The following TCERG1L variants were observed in gnomAD, a reference collection of about 807,000 sequenced individuals.
The protein encoded by TCERG1L is transcription elongation regulator 1 like.
In TCERG1L, 37 loss-of-function variants were observed where a neutral mutation model predicts 56.3. That is an observed-to-expected ratio of 0.66 (90% CI 0.51 to 0.87). TCERG1L has a LOEUF of 0.87. Ranked by LOEUF, TCERG1L falls within the 40% of genes least tolerant of loss-of-function variation. The pLI, the probability that TCERG1L is intolerant of heterozygous loss-of-function variation, is 0.00. For missense variants in TCERG1L, 799 were observed against 774.2 expected (o/e 1.03, Z -0.38); for synonymous variants, 324 against 326.3 (o/e 0.99, Z 0.08).
At chr10:131,108,394 CA>C (rs1250936331) in intron 9 of TCERG1L, among the ~76,000 whole-genome samples, 1 of 151,916 alleles carries the variant, frequency 6.6e-6, no homozygotes, top group African/African-American at 2.4e-5. Flanking sequence ...GACTGGTTCA[CA>C]AGGCACCCTC....
intron 4 of TCERG1L, among the ~76,000 whole-genome samples, chr10:131,254,320 T>TATATATATAG (rs999617923): frequency 8.7e-5 from 13 of 149,960 alleles, no homozygotes; most frequent in African/African-American, 2.4e-4. Flanking sequence ...TATATATATA[T>TATATATATAG]AGTAAGTATT....
chr10:131,157,040 CT>C (rs1248034472), intron 6 of TCERG1L, among the ~76,000 whole-genome samples: 1 of 152,228 alleles, frequency 6.6e-6, no homozygotes, highest in East Asian at 1.9e-4. Context: ...CAGCCCCTGG[CT>C]TCTGGGCTAG....
chr10:131,197,359 T>G (rs1845377174), intron 4 of TCERG1L, among the ~76,000 whole-genome samples: 1 of 152,094 alleles, frequency 6.6e-6, no homozygotes, highest in Non-Finnish European at 1.5e-5. Flanking sequence ...TTATTTTGTA[T>G]TTTTTCTAGT....
At chr10:131,300,011 T>C (rs1846743337) in intron 3 of TCERG1L, among the ~76,000 whole-genome samples, 1 of 152,188 alleles carries the variant, frequency 6.6e-6, no homozygotes, top group Admixed American at 6.5e-5. Flanking sequence ...GGTAACTTTC[T>C]CTATGCTAGT....
At chr10:131,254,293 C>T (rs1446305644) in intron 4 of TCERG1L, among the ~76,000 whole-genome samples, 1 of 111,962 alleles carries the variant, frequency 8.9e-6, no homozygotes, top group Non-Finnish European at 1.8e-5. Flanking sequence ...CAGGCAATCA[C>T]TGGATTTAAA....
intron 7 of TCERG1L, among the ~76,000 whole-genome samples, chr10:131,143,071 C>T (rs1049553728): frequency 3.9e-5 from 6 of 152,154 alleles, no homozygotes; most frequent in African/African-American, 1.4e-4. Context: ...ACAGCCCTGC[C>T]GATGCCAGTG....
At chr10:131,278,893 C>T (rs1166536231) in intron 3 of TCERG1L, among the ~76,000 whole-genome samples, 1 of 152,200 alleles carries the variant, frequency 6.6e-6, no homozygotes, top group Non-Finnish European at 1.5e-5. Flanking sequence ...TCCCTGATGA[C>T]TGCTGGACCC....
At chr10:131,266,332 G>A (rs1367305746) in intron 3 of TCERG1L, among the ~76,000 whole-genome samples, 1 of 152,146 alleles carries the variant, frequency 6.6e-6, no homozygotes, top group Non-Finnish European at 1.5e-5. Flanking sequence ...TCAAACTCCT[G>A]TTAATGTTGA....
At chr10:131,281,252 T>C (rs897935864) in intron 3 of TCERG1L, among the ~76,000 whole-genome samples, 8 of 152,194 alleles carry the variant, frequency 5.3e-5, no homozygotes, top group Non-Finnish European at 1.0e-4. Context: ...TGCATGTCTA[T>C]CACGGCGGCC....
At chr10:131,124,134 C>T (rs960228412) in intron 8 of TCERG1L, among the ~76,000 whole-genome samples, 15 of 152,196 alleles carry the variant, frequency 9.9e-5, no homozygotes, top group African/African-American at 3.6e-4. Flanking sequence ...CACATCTGCA[C>T]ACACTGCCTG....
At chr10:131,163,804 C>T (rs1316375329) in intron 5 of TCERG1L, among the ~76,000 whole-genome samples, 1 of 152,146 alleles carries the variant, frequency 6.6e-6, no homozygotes, top group Non-Finnish European at 1.5e-5. Context: ...GATTCTGACA[C>T]TCAGTTGGTC....
At chr10:131,222,412 A>G (rs1845744044) in intron 4 of TCERG1L, among the ~76,000 whole-genome samples, 1 of 152,202 alleles carries the variant, frequency 6.6e-6, no homozygotes, top group African/African-American at 2.4e-5. Flanking sequence ...CAACTTCTAG[A>G]GCAAAATTCA....
chr10:131,162,943 T>A, intron 6 of TCERG1L, 179 bp downstream of exon 6: 3 of 523,754 alleles, frequency 5.7e-6, no homozygotes, highest in Non-Finnish European at 1.0e-5. Flanking sequence ...AAATGCTGTT[T>A]TTTTCTTTCT....
chr10:131,266,251 T>A (rs1204914276), intron 3 of TCERG1L, among the ~76,000 whole-genome samples: 1 of 152,228 alleles, frequency 6.6e-6, no homozygotes, highest in African/African-American at 2.4e-5. Flanking sequence ...TTCCACCACA[T>A]CAGCAGTTAC....
chr10:131,251,379 G>A (rs945743851), intron 4 of TCERG1L, among the ~76,000 whole-genome samples: 1 of 145,310 alleles, frequency 6.9e-6, no homozygotes, highest in Non-Finnish European at 1.5e-5. Flanking sequence ...GCGAATCCTT[G>A]CAGTCACAGA....
At chr10:131,106,381 C>T (rs1845351845) in intron 9 of TCERG1L, among the ~76,000 whole-genome samples, 2 of 152,198 alleles carry the variant, frequency 1.3e-5, no homozygotes, top group Admixed American at 1.3e-4. Flanking sequence ...AGGGAGGCGG[C>T]TTCCAGAGTG....
At chr10:131,157,175 G>A (rs977903499) in intron 6 of TCERG1L, among the ~76,000 whole-genome samples, 3 of 152,222 alleles carry the variant, frequency 2.0e-5, no homozygotes, top group East Asian at 3.9e-4. Context: ...AGAAAATGGC[G>A]CCTTCTGACA....
At chr10:131,293,373 T>C (rs1259369509) in intron 3 of TCERG1L, among the ~76,000 whole-genome samples, 1 of 152,102 alleles carries the variant, frequency 6.6e-6, no homozygotes, top group Non-Finnish European at 1.5e-5. Flanking sequence ...ACAAGCACCA[T>C]CATGCTAAAG....
chr10:131,219,298 G>A (rs1363206082), intron 4 of TCERG1L, among the ~76,000 whole-genome samples: 3 of 152,200 alleles, frequency 2.0e-5, no homozygotes, highest in Admixed American at 2.0e-4. Flanking sequence ...CCCTGTCCTT[G>A]AGCCAGGCAG....
Sources: gnomAD v4.1 joint callset for allele counts (sites outside exome capture counted in the v4.1 genomes callset) on GRCh38, gnomAD v4.1.1 for gene constraint, MANE v1.5 for transcripts, NCBI Gene and HGNC (gene_info 2026-07-23, HGNC 2026-07-21) for gene names.